Variants in TBC1D19 observed in about 807,000 individuals in gnomAD.
TBC1D19 encodes TBC1 domain family, member 19.
Under a neutral mutation model 89.0 loss-of-function variants are expected in TBC1D19, and 60 were observed. That is an observed-to-expected ratio of 0.67 (90% confidence interval 0.55 to 0.84). TBC1D19 has a LOEUF of 0.84. Ranked by LOEUF, TBC1D19 falls within the 40% of genes least tolerant of loss-of-function variation. The pLI is 0.00. For synonymous variants in TBC1D19, 189 were observed against 199.7 expected (o/e 0.95, Z 0.45); for missense variants, 500 against 610.8 (o/e 0.82, Z 1.91).
At chr4:26,816,852 A>G in the TBC1D19 span, among the ~76,000 whole-genome samples, 2 of 152,346 alleles carry the variant, frequency 1.3e-5, no homozygotes, top group Admixed American at 6.5e-5. Context: ...TGGGTGTACT[A>G]CATTTTAGTA....
the TBC1D19 span, among the ~76,000 whole-genome samples, chr4:26,771,686 G>T: frequency 1.3e-5 from 2 of 151,598 alleles, no homozygotes. Flanking sequence ...TTTTTCAATA[G>T]TATAAAGCTT....
chr4:26,762,936 C>A, the TBC1D19 span, among the ~76,000 whole-genome samples: 1 of 152,126 alleles, frequency 6.6e-6, no homozygotes, highest in African/African-American at 2.4e-5. Context: ...GATTGTAGGA[C>A]TTTTGACCTC....
the TBC1D19 span, among the ~76,000 whole-genome samples, chr4:26,834,384 A>G: frequency 9.2e-5 from 14 of 152,158 alleles, no homozygotes; most frequent in Admixed American, 9.2e-4. Context: ...TTAATTCAAC[A>G]AATATTCATT....
At chr4:26,842,583 C>CCTCCCTTCCTTT in the TBC1D19 span, among the ~76,000 whole-genome samples, 9 of 70,610 alleles carry the variant, frequency 1.3e-4, no homozygotes, top group East Asian at 1.5e-3. Flanking sequence ...TTCCTCCCTC[C>CCTCCCTTCCTTT]CTTTCTTTCT....
intron 9 of TBC1D19, among the ~76,000 whole-genome samples, chr4:26,666,933 G>A (rs1711864922): frequency 6.6e-6 from 1 of 151,798 alleles, no homozygotes; most frequent in South Asian, 2.1e-4. Flanking sequence ...GCCCCGTATT[G>A]TAGTGGAAAT....
the TBC1D19 span, among the ~76,000 whole-genome samples, chr4:26,855,834 CATT>C: frequency 6.6e-6 from 1 of 152,190 alleles, no homozygotes; most frequent in Non-Finnish European, 1.5e-5. Context: ...AATTCACAGA[CATT>C]ATGAATGTTT....
the TBC1D19 span, among the ~76,000 whole-genome samples, chr4:26,839,370 A>G: frequency 3.9e-5 from 6 of 152,326 alleles, no homozygotes; most frequent in South Asian, 1.2e-3. Flanking sequence ...TGAGTATGAT[A>G]CTTATAATAG....
the TBC1D19 span, among the ~76,000 whole-genome samples, chr4:26,816,081 C>G: frequency 1.3e-5 from 2 of 152,156 alleles, no homozygotes; most frequent in African/African-American, 4.8e-5. Flanking sequence ...TTGTGAATCA[C>G]GTGCCTTTGG....
rs552630711 is a variant in TBC1D19, at chr4:26,617,629, G to A, written c.219-2984G>A. On this transcript the variant is annotated intron_variant, in intron 3 of 20. Transcript: ENST00000264866. ...CTAACACATGACAAATATTTGTTGA[G>A]TTGAGGAGACAGTGCAATTATTAGT... Among the ~76,000 whole-genome samples, 43 of 152,302 alleles carry A rather than the reference G, an allele frequency of 2.8e-4. No individual in the cohort carries two copies. In the South Asian group the frequency reaches 3.1e-3, roughly 11 times the overall value.
At chr4:26,803,701 A>AGTAGGAGGGATTAACAGGGG in the TBC1D19 span, among the ~76,000 whole-genome samples, 1 of 152,152 alleles carries the variant, frequency 6.6e-6, no homozygotes, top group African/African-American at 2.4e-5. Context: ...ATTAACAGGG[A>AGTAGGAGGGATTAACAGGGG]GTAGGAGTGA....
chr4:26,583,954 G>C (rs1166540398), upstream of TBC1D19: 1 of 538,706 alleles, frequency 1.9e-6, no homozygotes, highest in African/African-American at 1.9e-5. Flanking sequence ...GGTGTGAAAA[G>C]CGTCCTCCCC....
At chr4:26,655,034 C>T (rs934151476) in intron 7 of TBC1D19, among the ~76,000 whole-genome samples, 21 of 152,226 alleles carry the variant, frequency 1.4e-4, no homozygotes, top group African/African-American at 3.1e-4. Flanking sequence ...ATGATGGTGA[C>T]GTACAGATGG....
chr4:26,651,417 C>G lies in TBC1D19; in HGVS notation c.481-8180C>G, dbSNP rs527535351. Among the ~76,000 whole-genome samples, 1,331 of 152,156 alleles carry G rather than the reference C, an allele frequency of 8.7e-3. 12 individuals carry two copies. The highest frequency in any genetic ancestry group is 0.014 in the Non-Finnish European group (926 of 67,966). ...TGAGCAGTGGTTTGTAGTTCTCCTT[C>G]AAGAGGTCCTTCACATCCCTTGTAA... On this transcript the variant is annotated intron_variant, in intron 7 of 20. Transcript: ENST00000264866.
chr4:26,587,657 A>T (rs1306884047), intron 1 of TBC1D19, among the ~76,000 whole-genome samples: 5 of 149,734 alleles, frequency 3.3e-5, no homozygotes, highest in African/African-American at 9.8e-5. Flanking sequence ...CCAGTTAATG[A>T]TGATCTTATA....
intron 13 of TBC1D19, among the ~76,000 whole-genome samples, chr4:26,712,662 C>G (rs538285700): frequency 6.6e-6 from 1 of 152,128 alleles, no homozygotes; most frequent in Non-Finnish European, 1.5e-5. Context: ...TTATTTGGCT[C>G]ATGATTCTGG....
At chr4:26,789,099 T>G in the TBC1D19 span, among the ~76,000 whole-genome samples, 1 of 152,244 alleles carries the variant, frequency 6.6e-6, no homozygotes, top group African/African-American at 2.4e-5. Flanking sequence ...GTTTGAAGAC[T>G]AATAACTTGG....
the TBC1D19 span, among the ~76,000 whole-genome samples, chr4:26,833,713 C>T: frequency 4.5e-3 from 686 of 152,324 alleles, 1 homozygote; most frequent in East Asian, 0.03. Flanking sequence ...CACAATGTGT[C>T]GCTAAACATT....
the TBC1D19 span, among the ~76,000 whole-genome samples, chr4:26,778,898 C>T: frequency 6.6e-6 from 1 of 152,124 alleles, no homozygotes; most frequent in Admixed American, 6.5e-5. Context: ...TACTGATATC[C>T]CTTGGAATAA....
intron 3 of TBC1D19, among the ~76,000 whole-genome samples, chr4:26,614,716 G>T (rs533094023): frequency 6.6e-6 from 1 of 152,062 alleles, no homozygotes; most frequent in African/African-American, 2.4e-5. Flanking sequence ...TCACTCTGTT[G>T]CCCAGGCTGG....
Sources: gnomAD v4.1 joint callset for allele counts (sites outside exome capture counted in the v4.1 genomes callset) on GRCh38, gnomAD v4.1.1 for gene constraint, MANE v1.5 for transcripts, NCBI Gene and HGNC (gene_info 2026-07-23, HGNC 2026-07-21) for gene names.